The following DCAF6 variants were observed in gnomAD, a reference collection of about 807,000 sequenced individuals.
DCAF6 encodes the protein DDB1- and CUL4-associated factor 6.
Under a neutral mutation model 125.1 loss-of-function variants are expected in DCAF6, and 54 were observed. The observed-to-expected ratio is 0.43, with a 90% CI of 0.35 to 0.54. DCAF6 has a LOEUF of 0.54. Ranked by LOEUF, DCAF6 falls within the 20% of genes least tolerant of loss-of-function variation. The pLI is 0.01. For missense variants in DCAF6, 934 were observed against 1,161.7 expected (o/e 0.80, Z 2.85); for synonymous variants, 371 against 390.4 (o/e 0.95, Z 0.58).
chr1:168,035,381 A>C (rs1687668486), intron 12 of DCAF6, among the ~76,000 whole-genome samples: 1 of 152,178 alleles, frequency 6.6e-6, no homozygotes, highest in South Asian at 2.1e-4. Context: ...TGGGAAATTG[A>C]GGATGCAGCG....
chr1:167,965,413 C>G (rs1676249925), intron 2 of DCAF6, among the ~76,000 whole-genome samples: 1 of 152,108 alleles, frequency 6.6e-6, no homozygotes, highest in Non-Finnish European at 1.5e-5. Context: ...AGTGGGTAGG[C>G]TGTGGTGAAA....
At chr1:167,928,685 T>A in the DCAF6 span, among the ~76,000 whole-genome samples, 1 of 152,238 alleles carries the variant, frequency 6.6e-6, no homozygotes, top group African/African-American at 2.4e-5. Flanking sequence ...AGGCTTATGT[T>A]CTGTACAATG....
chr1:167,870,063 T>C, the DCAF6 span, among the ~76,000 whole-genome samples: 1 of 152,250 alleles, frequency 6.6e-6, no homozygotes, highest in African/African-American at 2.4e-5. Flanking sequence ...AGGATATCCA[T>C]GGGTCAGCCC....
the DCAF6 span, among the ~76,000 whole-genome samples, chr1:167,910,429 C>T: frequency 6.6e-6 from 1 of 152,080 alleles, no homozygotes; most frequent in Non-Finnish European, 1.5e-5. Flanking sequence ...TAGTTGTCTT[C>T]AAATATTTGG....
intron 10 of DCAF6, among the ~76,000 whole-genome samples, chr1:168,015,268 G>A (rs1215802128): frequency 1.3e-5 from 2 of 152,096 alleles, no homozygotes; most frequent in Non-Finnish European, 2.9e-5. Context: ...ATTCTAACAT[G>A]AAATATTTAG....
chr1:167,935,107 G>T (rs555756373), upstream of DCAF6, among the ~76,000 whole-genome samples: 1 of 152,300 alleles, frequency 6.6e-6, no homozygotes, highest in Admixed American at 6.5e-5. Flanking sequence ...AGTGGTAGAA[G>T]AGAATGATAT....
intron 7 of DCAF6, among the ~76,000 whole-genome samples, chr1:167,994,534 A>G (rs1412730585): frequency 6.6e-6 from 1 of 152,208 alleles, no homozygotes; most frequent in Non-Finnish European, 1.5e-5. Context: ...AAATAAATAT[A>G]AGTGGGAAAA....
chr1:168,018,400 G>A (rs1478090323), intron 11 of DCAF6, among the ~76,000 whole-genome samples: 3 of 152,054 alleles, frequency 2.0e-5, no homozygotes, highest in African/African-American at 7.2e-5. Flanking sequence ...TTCACTCTTT[G>A]TCATCAGTCT....
the DCAF6 span, among the ~76,000 whole-genome samples, chr1:167,895,789 T>C: frequency 2.0e-5 from 3 of 152,142 alleles, no homozygotes; most frequent in Admixed American, 6.5e-5. Context: ...ACTTGCCTCA[T>C]CTTACTCATA....
At chr1:167,992,211 C>T (rs886910498) in intron 6 of DCAF6, among the ~76,000 whole-genome samples, 1 of 149,952 alleles carries the variant, frequency 6.7e-6, no homozygotes, top group Non-Finnish European at 1.5e-5. Flanking sequence ...AATTAGAAGT[C>T]AACTTCCATT....
At chr1:167,905,017 CTCCG>C in the DCAF6 span, 1 of 1,614,198 alleles carries the variant, frequency 6.2e-7, no homozygotes, top group African/African-American at 1.3e-5. Context: ...AACATCAGGA[CTCCG>C]TCAAAATAAT....
chr1:167,991,543 A>T lies in DCAF6; in HGVS notation c.688+204A>T, dbSNP rs540744343. ...CTTTTGCAGTTTAAAAAGTTGTAAC[A>T]TTTGATGTATTAGTTTGGCAGGACT... On this transcript the variant is annotated intron_variant, in intron 6 of 21. Coordinates refer to ENST00000367840, the MANE Select transcript of DCAF6 (RefSeq NM_001198956.2). Among the ~76,000 whole-genome samples the T allele has an allele frequency of 5.9e-5, 9 of 152,318 alleles. No individual in the cohort carries two copies. The South Asian group carries it at 1.4e-3, about 25-fold the overall frequency.
rs761854089 is a variant in DCAF6, at chr1:168,015,874, C to G, written c.1472C>G (p.Ala491Gly). The G allele has an allele frequency of 2.5e-5, 38 of 1,544,858 alleles. No homozygotes were observed. Among genetic ancestry groups the G allele is most frequent in the Non-Finnish European group, 3.3e-5 (38 of 1,144,226 alleles). ...GAGCAGCAGAGGCAGCAAGAGCTAG[C>G]TGCACATACCCAGCAACAGCCTTCC... ...KAEQQRQQEL[A>G]AHTQQQPSTS... Residue 491 changes from alanine (A) to glycine (G), a missense_variant, in exon 11 of 22, where the codon GCT becomes GGT. Physicochemically the swap from Ala to Gly is moderately conservative, Grantham distance 60 (BLOSUM62 0). This residue lies in a region of DCAF6 where 559 missense variants were observed against 635.5 expected (regional missense o/e 0.88). Coordinates refer to ENST00000367840, the MANE Select transcript of DCAF6 (RefSeq NM_001198956.2).
chr1:167,998,163 C>T (rs1307976083), intron 7 of DCAF6, among the ~76,000 whole-genome samples: 1 of 151,946 alleles, frequency 6.6e-6, no homozygotes, highest in Non-Finnish European at 1.5e-5. Context: ...GCAAGTCACA[C>T]AGATCTTTTG....
chr1:168,013,289 T>G (rs1192374091), intron 10 of DCAF6, among the ~76,000 whole-genome samples: 1 of 152,216 alleles, frequency 6.6e-6, no homozygotes, highest in East Asian at 1.9e-4. Context: ...TTATTAAATC[T>G]TAACTACCAA....
At chr1:167,869,626 T>C in the DCAF6 span, among the ~76,000 whole-genome samples, 1 of 152,146 alleles carries the variant, frequency 6.6e-6, no homozygotes, top group Admixed American at 6.5e-5. Context: ...TTCCACACAT[T>C]GTATGGAAGG....
At chr1:168,071,727 T>C (rs899078726) in intron 21 of DCAF6, among the ~76,000 whole-genome samples, 1 of 152,174 alleles carries the variant, frequency 6.6e-6, no homozygotes, top group Non-Finnish European at 1.5e-5. Context: ...CCACCCCCTC[T>C]TAAAATTCTC....
Position 168,055,301 on chromosome 1 carries a change from A to G in DCAF6, c.2300+4368A>G, listed in dbSNP as rs191043006. ...TATGTTTGTAAGAACCTAGATCTTC[A>G]ATCTTTGAATTGAAAAAAATCAGGC... On this transcript the variant is annotated intron_variant, in intron 17 of 21. Transcript: ENST00000367840. 8.1e-3 allele frequency among the ~76,000 whole-genome samples: 843 copies of G among 104,272 alleles called. 25 individuals are homozygous for G. The highest frequency in any genetic ancestry group is 5.4e-3 in the Non-Finnish European group (273 of 50,534). The allele number at this position is 104,272 out of a possible 152,430, so 68.4% of individuals were successfully genotyped here.
intron 5 of DCAF6, among the ~76,000 whole-genome samples, chr1:167,989,774 T>C (rs144102039): frequency 6.4e-4 from 97 of 151,466 alleles, no homozygotes; most frequent in African/African-American, 2.2e-3. Flanking sequence ...CCAGCTACTC[T>C]GGAGGCTGAG....
Sources: gnomAD v4.1 joint callset for allele counts (sites outside exome capture counted in the v4.1 genomes callset) on GRCh38, gnomAD v4.1.1 for gene constraint, gnomAD v4.1.1 regional missense constraint, MANE v1.5 for transcripts, NCBI Gene and HGNC (gene_info 2026-07-23, HGNC 2026-07-21) for gene names.